The following ARID2 variants were observed in gnomAD, a reference collection of about 807,000 sequenced individuals.
ARID2 encodes the protein AT-rich interaction domain 2.
Under a neutral mutation model 184.6 loss-of-function variants are expected in ARID2, and 32 were observed. That is an observed-to-expected ratio of 0.17 (90% CI 0.13 to 0.23). The LOEUF (loss-of-function observed/expected upper bound fraction) is 0.23. Among genes scored for constraint, ARID2 ranks in the 10% least tolerant of loss-of-function variants. ARID2 has a pLI of 1.00. For missense variants in ARID2, 1,696 were observed against 2,197.6 expected (o/e 0.77, Z 4.56); for synonymous variants, 836 against 772.6 (o/e 1.08, Z -1.36).
chr12:45,901,145 AT>A, intron 20 of ARID2, among the ~76,000 whole-genome samples: 1 of 109,194 alleles, frequency 9.2e-6, no homozygotes, highest in Admixed American at 9.1e-5. Context: ...TTTTTTGGAA[AT>A]TTCCTTAATT....
At chr12:45,762,233 C>A (rs1941697334) in intron 3 of ARID2, among the ~76,000 whole-genome samples, 1 of 152,038 alleles carries the variant, frequency 6.6e-6, no homozygotes, top group South Asian at 2.1e-4. Context: ...TTTGCTAAAT[C>A]TTCTATAATC....
rs372784201 is a variant in ARID2, at chr12:45,787,488, G to A, written c.285-23930G>A. 1.6e-4 allele frequency among the ~76,000 whole-genome samples: 24 copies of A among 151,858 alleles called. No individual in the cohort carries two copies. The East Asian group carries it at 3.5e-3, about 22-fold the overall frequency. ...GGGCTTAAGTGATCCTCCCACCTTC[G>A]CCTCCCAAAGTGCTGGGATTATAGG... On this transcript the variant is annotated intron_variant, in intron 3 of 20. Transcript: ENST00000334344.
chr12:45,794,328 G>A (rs183239515), intron 3 of ARID2, among the ~76,000 whole-genome samples: 41 of 152,258 alleles, frequency 2.7e-4, no homozygotes, highest in South Asian at 1.0e-3. Flanking sequence ...CAACCTCAGC[G>A]TATGATTTTT....
chr12:45,784,216 T>G (rs982862160), intron 3 of ARID2, among the ~76,000 whole-genome samples: 8 of 152,068 alleles, frequency 5.3e-5, no homozygotes, highest in African/African-American at 1.7e-4. Context: ...GATGAGGGTC[T>G]TGCTGTGTGG....
chr12:45,894,543 T>C (rs1944343664), intron 20 of ARID2, among the ~76,000 whole-genome samples: 1 of 152,220 alleles, frequency 6.6e-6, no homozygotes, highest in African/African-American at 2.4e-5. Context: ...TTTCTAAGCA[T>C]AAAAATAGTG....
chr12:45,810,509 CA>C (rs755257612), intron 3 of ARID2, among the ~76,000 whole-genome samples: 2 of 151,930 alleles, frequency 1.3e-5, no homozygotes, highest in Non-Finnish European at 2.9e-5. Context: ...TACCAAAAAA[CA>C]AAACTGAAAA....
chr12:45,811,066 G>A (rs1430670417), intron 3 of ARID2, among the ~76,000 whole-genome samples: 9 of 152,028 alleles, frequency 5.9e-5, no homozygotes, highest in Non-Finnish European at 8.8e-5. Context: ...AAAATTAGCC[G>A]GGTGTGGTGG....
At chr12:45,846,828 G>A in intron 11 of ARID2, 28 bp from the exon 12 acceptor site, 1 of 1,607,124 alleles carries the variant, frequency 6.2e-7, no homozygotes, top group African/African-American at 1.3e-5. Flanking sequence ...TTTAAGAAAT[G>A]ATGTAGCTAA....
At chr12:45,871,357 T>C (rs1255016583) in intron 16 of ARID2, among the ~76,000 whole-genome samples, 2 of 152,238 alleles carry the variant, frequency 1.3e-5, no homozygotes, top group Non-Finnish European at 2.9e-5. Flanking sequence ...CTTTTCTGCG[T>C]CTATTGCTAT....
chr12:45,885,766 C>T (rs1944176233), intron 16 of ARID2, among the ~76,000 whole-genome samples: 1 of 152,150 alleles, frequency 6.6e-6, no homozygotes, highest in African/African-American at 2.4e-5. Context: ...GCTGAGCAAA[C>T]AGGGATAAGC....
chr12:45,757,533 C>T (rs928691410), intron 3 of ARID2, among the ~76,000 whole-genome samples: 9 of 152,158 alleles, frequency 5.9e-5, no homozygotes, highest in African/African-American at 2.2e-4. Flanking sequence ...TGTGAAAGCC[C>T]ATTGCCCTTC....
intron 20 of ARID2, among the ~76,000 whole-genome samples, chr12:45,898,260 G>GT (rs1327194922): frequency 6.6e-6 from 1 of 152,132 alleles, no homozygotes; most frequent in African/African-American, 2.4e-5. Flanking sequence ...TAGAACAGTG[G>GT]TTACTGGGGC....
intron 3 of ARID2, among the ~76,000 whole-genome samples, chr12:45,797,097 TATCA>T (rs201984129): frequency 0.013 from 1,947 of 152,314 alleles, 12 homozygotes; most frequent in Non-Finnish European, 0.019. Context: ...AAAATTATAA[TATCA>T]ATCCTTTTTA....
intron 3 of ARID2, among the ~76,000 whole-genome samples, chr12:45,790,945 C>T (rs1022443580): frequency 2.0e-5 from 3 of 151,998 alleles, no homozygotes; most frequent in Non-Finnish European, 4.4e-5. Context: ...CGTCAGTGGA[C>T]GCTTGGGCTA....
chr12:45,812,496 A>T (rs908900460), intron 4 of ARID2, among the ~76,000 whole-genome samples: 2 of 152,182 alleles, frequency 1.3e-5, no homozygotes, highest in Non-Finnish European at 2.9e-5. Context: ...GATCTCCATT[A>T]GAAGAGGCTT....
intron 3 of ARID2, among the ~76,000 whole-genome samples, chr12:45,751,323 G>A (rs1474767595): frequency 6.6e-6 from 1 of 152,178 alleles, no homozygotes; most frequent in Non-Finnish European, 1.5e-5. Context: ...AGAACATTTA[G>A]GAGCCCATTG....
chr12:45,892,217 C>T, intron 18 of ARID2, 121 bp downstream of exon 18: 1 of 923,840 alleles, frequency 1.1e-6, no homozygotes, highest in Non-Finnish European at 1.6e-6. Context: ...TCCAGCTCTG[C>T]CATGAACCAG....
At chr12:45,740,966 C>A (rs1199683938) in intron 3 of ARID2, among the ~76,000 whole-genome samples, 1 of 152,106 alleles carries the variant, frequency 6.6e-6, no homozygotes, top group Non-Finnish European at 1.5e-5. Context: ...TGTAAAGTTA[C>A]CATTTTCTCT....
intron 16 of ARID2, among the ~76,000 whole-genome samples, chr12:45,868,312 G>A (rs1426426658): frequency 6.6e-6 from 1 of 152,138 alleles, no homozygotes; most frequent in African/African-American, 2.4e-5. Flanking sequence ...ATGGTGGCGG[G>A]TACCTGTAAT....
Sources: allele counts gnomAD v4.1 joint callset (sites outside exome capture counted in the v4.1 genomes callset), GRCh38; gene constraint gnomAD v4.1.1; transcripts MANE v1.5; gene names NCBI Gene and HGNC (gene_info 2026-07-23, HGNC 2026-07-21).